ARHGAP18: variants seen among roughly 807,000 people sequenced by gnomAD.
ARHGAP18 encodes the protein rho GTPase-activating protein 18.
In ARHGAP18, 67 loss-of-function variants were observed where a neutral mutation model predicts 86.2. The observed-to-expected ratio is 0.78, with a 90% CI of 0.64 to 0.95. The LOEUF (loss-of-function observed/expected upper bound fraction) is 0.95. ARHGAP18 is among the 40% of genes least tolerant of loss of function. The pLI, the probability that ARHGAP18 is intolerant of heterozygous loss-of-function variation, is 0.00. For missense variants in ARHGAP18, 691 were observed against 780.4 expected (o/e 0.89, Z 1.37); for synonymous variants, 283 against 280.4 (o/e 1.01, Z -0.09).
chr6:129,633,543 GC>G (rs1773263025), intron 4 of ARHGAP18, among the ~76,000 whole-genome samples: 1 of 151,616 alleles, frequency 6.6e-6, no homozygotes. Context: ...ATAATCAATT[GC>G]CCATAAAAAT....
intron 5 of ARHGAP18, among the ~76,000 whole-genome samples, chr6:129,622,240 T>G (rs1435928401): frequency 6.6e-6 from 1 of 152,196 alleles, no homozygotes; most frequent in African/African-American, 2.4e-5. Flanking sequence ...TTTTCCTTTT[T>G]AAAAATCACA....
intron 1 of ARHGAP18, among the ~76,000 whole-genome samples, chr6:129,674,267 G>C (rs187332640): frequency 2.0e-5 from 3 of 152,162 alleles, no homozygotes; most frequent in African/African-American, 7.2e-5. Flanking sequence ...TGCCTGCCTG[G>C]TTCCATCATT....
chr6:129,606,041 A>C, intron 9 of ARHGAP18, 82 bp from the exon 10 acceptor site: 2 of 1,356,516 alleles, frequency 1.5e-6, no homozygotes, highest in Non-Finnish European at 2.1e-6. Context: ...TTTAAGAAAA[A>C]AGTTATTTGG....
intron 1 of ARHGAP18, among the ~76,000 whole-genome samples, chr6:129,668,428 T>C (rs1774084189): frequency 6.8e-6 from 1 of 148,106 alleles, no homozygotes. Context: ...AAACAGTCTA[T>C]GGACTCAGTA....
intron 1 of ARHGAP18, among the ~76,000 whole-genome samples, chr6:129,645,656 C>T (rs562537575): frequency 6.6e-5 from 10 of 152,282 alleles, no homozygotes; most frequent in African/African-American, 1.7e-4. Flanking sequence ...CAGAACTAGA[C>T]GCTGTCCTCT....
At chr6:129,613,559 AT>A (rs1789028657) in intron 7 of ARHGAP18, among the ~76,000 whole-genome samples, 1 of 152,214 alleles carries the variant, frequency 6.6e-6, no homozygotes, top group Non-Finnish European at 1.5e-5. Flanking sequence ...GGAAAAAGTG[AT>A]TGTGACTTCT....
chr6:129,583,997 C>A lies in ARHGAP18; in HGVS notation c.1829G>T (p.Ser610Ile), dbSNP rs1434463386. Reference sequence around the variant, plus strand: ...CAAAACAGGCCTCTACCTTTCTTGGCTGAGAAACCTGGCAAGTACATCACT... The same window carrying A: ...CAAAACAGGCCTCTACCTTTCTTGGATGAGAAACCTGGCAAGTACATCACT... ...KASDVLARFLSQESGVAQTLK... is the reference protein window; with the variant it reads ...KASDVLARFLIQESGVAQTLK... Residue 610 changes from serine (S) to isoleucine (I), a missense_variant, in exon 13 of 15, where the codon AGC becomes ATC. By Grantham distance (142) the Ser-to-Ile change is moderately radical (BLOSUM62 -2). Transcript: ENST00000368149. 17 of 1,613,040 alleles carry A rather than the reference C, an allele frequency of 1.1e-5. No individual in the cohort carries two copies. Among genetic ancestry groups the A allele is most frequent in the Non-Finnish European group, 1.4e-5 (17 of 1,179,464 alleles).
At chr6:129,663,998 G>A (rs1773996571) in intron 1 of ARHGAP18, among the ~76,000 whole-genome samples, 2 of 152,260 alleles carry the variant, frequency 1.3e-5, no homozygotes. Flanking sequence ...GCAGGCAGCA[G>A]GTGTGGTGGG....
intron 1 of ARHGAP18, among the ~76,000 whole-genome samples, chr6:129,680,184 C>G (rs923744694): frequency 6.7e-6 from 1 of 149,300 alleles, no homozygotes; most frequent in Non-Finnish European, 1.5e-5. Context: ...GAATTAGGAC[C>G]TTTTTAAAAA....
At chr6:129,697,438 TG>T (rs1469589051) in intron 1 of ARHGAP18, among the ~76,000 whole-genome samples, 4 of 68,462 alleles carry the variant, frequency 5.8e-5, no homozygotes, top group African/African-American at 2.0e-4. Flanking sequence ...ATCCTGCAGA[TG>T]GGATTTTTTT....
At chr6:129,631,460 A>G (rs552095055) in intron 4 of ARHGAP18, among the ~76,000 whole-genome samples, 6 of 152,320 alleles carry the variant, frequency 3.9e-5, no homozygotes, top group Admixed American at 2.6e-4. Context: ...CAGCACAGAA[A>G]AAAACAGTTT....
intron 1 of ARHGAP18, among the ~76,000 whole-genome samples, chr6:129,702,003 G>C (rs1774718462): frequency 6.6e-6 from 1 of 152,168 alleles, no homozygotes; most frequent in Non-Finnish European, 1.5e-5. Context: ...GAGGGAAGAA[G>C]AGATGCCTCC....
At chr6:129,636,335 A>G (rs1419005493) in intron 3 of ARHGAP18, among the ~76,000 whole-genome samples, 1 of 152,242 alleles carries the variant, frequency 6.6e-6, no homozygotes, top group African/African-American at 2.4e-5. Flanking sequence ...TAAAATGTCT[A>G]CAAAAAGCAA....
At chr6:129,690,775 G>A (rs1774514266) in intron 1 of ARHGAP18, among the ~76,000 whole-genome samples, 2 of 152,108 alleles carry the variant, frequency 1.3e-5, no homozygotes, top group South Asian at 4.1e-4. Context: ...GAAGATTCAT[G>A]TGAGACCAAA....
At chr6:129,614,011 G>C (rs1331852555) in intron 7 of ARHGAP18, among the ~76,000 whole-genome samples, 9 of 152,110 alleles carry the variant, frequency 5.9e-5, no homozygotes, top group African/African-American at 2.2e-4. Context: ...CACTAGATTT[G>C]ATAATTAGGT....
chr6:129,701,452 T>C (rs1196527815), intron 1 of ARHGAP18, among the ~76,000 whole-genome samples: 1 of 152,156 alleles, frequency 6.6e-6, no homozygotes, highest in East Asian at 1.9e-4. Context: ...AAAGATTAAC[T>C]GGAAAAATCT....
At chr6:129,683,873 G>T (rs1774374868) in intron 1 of ARHGAP18, among the ~76,000 whole-genome samples, 2 of 152,164 alleles carry the variant, frequency 1.3e-5, no homozygotes, top group African/African-American at 2.4e-5. Flanking sequence ...CGGCGGGGGG[G>T]AGTTCTGCTA....
intron 3 of ARHGAP18, among the ~76,000 whole-genome samples, chr6:129,635,225 G>A (rs555389785): frequency 6.6e-6 from 1 of 152,220 alleles, no homozygotes; most frequent in African/African-American, 2.4e-5. Context: ...ACAGAAAGTG[G>A]CCATTGTAGT....
intron 12 of ARHGAP18, among the ~76,000 whole-genome samples, chr6:129,597,847 C>T (rs1788646005): frequency 2.0e-5 from 3 of 152,080 alleles, no homozygotes; most frequent in African/African-American, 7.2e-5. Flanking sequence ...CATTCTCAGA[C>T]CAGATCATGT....
Sources: gnomAD v4.1 joint callset for allele counts (sites outside exome capture counted in the v4.1 genomes callset) on GRCh38, gnomAD v4.1.1 for gene constraint, MANE v1.5 for transcripts, NCBI Gene and HGNC (gene_info 2026-07-23, HGNC 2026-07-21) for gene names.